Variants in ACOT13 observed in about 807,000 individuals in gnomAD.
ACOT13 encodes the protein acyl-CoA thioesterase 13.
A neutral mutation model predicts 11.8 loss-of-function variants in ACOT13; 10 were observed. The observed-to-expected ratio is 0.85, with a 90% confidence interval of 0.53 to 1.44. ACOT13 has a LOEUF of 1.44. Ranked by LOEUF, ACOT13 falls within the 40% of genes most tolerant of loss-of-function variation. The pLI is 0.00. For missense variants in ACOT13, 172 were observed against 174.1 expected (o/e 0.99, Z 0.07); for synonymous variants, 53 against 61.0 (o/e 0.87, Z 0.61).
At chr6:24,689,661 C>G (rs1778692481) in intron 1 of ACOT13, among the ~76,000 whole-genome samples, 1 of 152,038 alleles carries the variant, frequency 6.6e-6, no homozygotes, top group South Asian at 2.1e-4. Flanking sequence ...TGATATTCAG[C>G]ACCGAAAGAG....
At chr6:24,683,652 T>C (rs1435348170) in intron 1 of ACOT13, among the ~76,000 whole-genome samples, 1 of 144,686 alleles carries the variant, frequency 6.9e-6, no homozygotes, top group Non-Finnish European at 1.5e-5. Context: ...AGTCAATATA[T>C]ATAAAATGAA....
rs186350426 is a variant in ACOT13 at position 24,679,794 on chromosome 6, C to T, written c.81+12450C>T. On this transcript the variant is annotated intron_variant, in intron 1 of 2. Transcript: ENST00000230048. ...CTGATTTAGCAGTAACATTATATCTCTCCACATCAGATCAAAAGATTGTCC... is the reference window on the plus strand; with the variant it reads ...CTGATTTAGCAGTAACATTATATCTTTCCACATCAGATCAAAAGATTGTCC... Among the ~76,000 whole-genome samples the T allele has an allele frequency of 4.0e-3, 603 of 152,320 alleles. 3 individuals carry two copies. The highest frequency in any genetic ancestry group is 0.013 in the African/African-American group (557 of 41,572).
rs189276681 is a variant in ACOT13, at chr6:24,701,487, G to T, written c.295G>T (p.Asp99Tyr). ...CATGTCACCTGCAAAATTAGGAGAA[G>T]ATATAGTGATTACAGCACATGTTCT... ...TYMSPAKLGE[D>Y]IVITAHVLKQ... The change falls in exon 3 of 3, where the codon GAT becomes TAT. Residue 99 changes from aspartate to tyrosine, a missense_variant. Transcript: ENST00000230048. 20 of 1,612,002 alleles carry T rather than the reference G, an allele frequency of 1.2e-5. No individual in the cohort carries two copies. The East Asian group carries it at 4.2e-4, about 34-fold the overall frequency.
At chr6:24,686,859 C>G (rs1213013221) in intron 1 of ACOT13, among the ~76,000 whole-genome samples, 1 of 152,072 alleles carries the variant, frequency 6.6e-6, no homozygotes, top group Non-Finnish European at 1.5e-5. Flanking sequence ...GTGCCACCAT[C>G]TCCAGCTAAT....
intron 1 of ACOT13, among the ~76,000 whole-genome samples, chr6:24,668,424 T>C (rs772760789): frequency 3.3e-5 from 5 of 152,026 alleles, no homozygotes; most frequent in Admixed American, 2.6e-4. Flanking sequence ...TTTCATCATG[T>C]TGGTCAGGCT....
intron 1 of ACOT13, among the ~76,000 whole-genome samples, chr6:24,692,438 A>T (rs1778730752): frequency 6.6e-6 from 1 of 152,180 alleles, no homozygotes; most frequent in Non-Finnish European, 1.5e-5. Context: ...TGTTTTGGGG[A>T]CAGGGTCTCA....
chr6:24,697,819 T>A, intron 1 of ACOT13, 64 bp from the exon 2 acceptor site: 3 of 1,362,700 alleles, frequency 2.2e-6, no homozygotes, highest in Non-Finnish European at 3.0e-6. Flanking sequence ...TTGTTCTTCA[T>A]GGGCTTTTTT....
chr6:24,688,508 C>T (rs1778671019), intron 1 of ACOT13, among the ~76,000 whole-genome samples: 1 of 149,552 alleles, frequency 6.7e-6, no homozygotes, highest in Admixed American at 6.7e-5. Flanking sequence ...CCACTGCACT[C>T]CAGCCTGGAC....
chr6:24,676,786 CTTTCT>C (rs1778461606), intron 1 of ACOT13, among the ~76,000 whole-genome samples: 1 of 152,108 alleles, frequency 6.6e-6, no homozygotes, highest in South Asian at 2.1e-4. Context: ...TTTCCCTTTC[CTTTCT>C]GGTGACTCTG....
intron 1 of ACOT13, among the ~76,000 whole-genome samples, chr6:24,668,494 T>C (rs1257417685): frequency 1.3e-5 from 2 of 152,226 alleles, no homozygotes; most frequent in African/African-American, 4.8e-5. Context: ...GTGCTGGGAT[T>C]ACAGGCATGA....
intron 1 of ACOT13, among the ~76,000 whole-genome samples, chr6:24,669,826 G>T (rs1038360381): frequency 2.0e-4 from 30 of 152,168 alleles, no homozygotes; most frequent in Admixed American, 5.2e-4. Context: ...CAGTAGGCAG[G>T]TATGAAAGTG....
At chr6:24,696,777 A>C (rs1366028747) in intron 1 of ACOT13, among the ~76,000 whole-genome samples, 1 of 151,928 alleles carries the variant, frequency 6.6e-6, no homozygotes. Flanking sequence ...TAAAAATCAT[A>C]AATTCTTTTT....
chr6:24,699,174 T>C (rs918074415), intron 2 of ACOT13, among the ~76,000 whole-genome samples: 10 of 151,340 alleles, frequency 6.6e-5, no homozygotes, highest in African/African-American at 2.4e-4. Context: ...AGAGCCATTG[T>C]GAGTAGATAT....
rs529994777 is a variant in ACOT13 at position 24,673,371 on chromosome 6, T to G, written c.81+6027T>G. Among the ~76,000 whole-genome samples the G allele has an allele frequency of 5.1e-4, 78 of 152,218 alleles. No homozygotes were observed. In the South Asian group the frequency reaches 0.015, roughly 29 times the overall value. On this transcript the variant is annotated intron_variant, in intron 1 of 2. Transcript: ENST00000230048. ...AAAAAAATTAAATTCTCTTATAATT[T>G]TTTTTTTGAAATAGAGTCTCGCACT... is the stretch of plus-strand genomic sequence containing the variant.
intron 1 of ACOT13, among the ~76,000 whole-genome samples, chr6:24,672,147 T>C (rs1338355725): frequency 1.3e-5 from 2 of 152,162 alleles, no homozygotes; most frequent in Non-Finnish European, 2.9e-5. Context: ...AAAAATAGGA[T>C]CACAGGTCAT....
At position 24,703,967 on chromosome 6, in the gene ACOT13, A is replaced by AC. The variant is rs1187323973; in HGVS notation, c.*2352_*2353insC. On this transcript the variant is annotated 3_prime_UTR_variant, in exon 3 of 3. Transcript: ENST00000230048. ...GTCATGGAACACATAAAGGCTAAGGAACTGTTCCACATTAAAGACAACTGA... is the reference window on the plus strand; with the variant it reads ...GTCATGGAACACATAAAGGCTAAGGACACTGTTCCACATTAAAGACAACTGA... 6.6e-6 allele frequency: 1 copy of AC among 152,246 alleles called. No individual in the cohort carries two copies. The highest frequency in any genetic ancestry group is 1.5e-5 in the Non-Finnish European group (1 of 68,050). The allele number at this position is 152,246 out of a possible 1,614,324, so 9.4% of individuals were successfully genotyped here.
rs544702505 is a variant in ACOT13 at position 24,703,937 on chromosome 6, T to C, written c.*2322T>C. The C allele has an allele frequency of 1.3e-5, 2 of 152,210 alleles. No homozygotes were observed. The highest frequency in any genetic ancestry group is 2.1e-4 in the South Asian group (1 of 4,814). 9.4% of individuals were successfully genotyped at this position (152,210 alleles called of 1,614,324 possible). A position where few individuals can be genotyped will look rare whatever the true frequency, so the allele number is the denominator to read the frequency against. ...AAATTGCCCTGTACTCCAAAAAACA[T>C]AGAGGTCATGGAACACATAAAGGCT... On this transcript the variant is annotated 3_prime_UTR_variant, in exon 3 of 3. Transcript: ENST00000230048.
chr6:24,695,299 ACT>A (rs1431287314), intron 1 of ACOT13, among the ~76,000 whole-genome samples: 4 of 152,076 alleles, frequency 2.6e-5, no homozygotes, highest in South Asian at 2.1e-4. Context: ...ACAGAGCGAG[ACT>A]CTGTCTCAAA....
rs753691589 is a variant in ACOT13, at chr6:24,667,217, CGAAG to C, written c.-46_-43del. The C allele has an allele frequency of 1.3e-6, 2 of 1,579,806 alleles. No individual in the cohort carries two copies. Among genetic ancestry groups the C allele is most frequent in the Non-Finnish European group, 1.7e-6 (2 of 1,151,256 alleles). On this transcript the variant is annotated 5_prime_UTR_variant, in exon 1 of 3. Transcript: ENST00000230048. Reference sequence around the variant, plus strand: ...TAACTTCTGGACTTTCCAGCTCTTCCGAAGTTCGTTCTTGCGCAAAGCCCAAAGG... The same window carrying C: ...TAACTTCTGGACTTTCCAGCTCTTCCTTCGTTCTTGCGCAAAGCCCAAAGG...
Sources: gnomAD v4.1 joint callset for allele counts (sites outside exome capture counted in the v4.1 genomes callset) on GRCh38, gnomAD v4.1.1 for gene constraint, MANE v1.5 for transcripts, NCBI Gene and HGNC (gene_info 2026-07-23, HGNC 2026-07-21) for gene names.